MOCOS: variants seen among roughly 807,000 people sequenced by gnomAD.
MOCOS encodes the protein human molybdenum cofactor sulfurase.
Under a neutral mutation model 83.6 loss-of-function variants are expected in MOCOS, and 86 were observed. The observed-to-expected ratio is 1.03, with a 90% CI of 0.86 to 1.23. The LOEUF (loss-of-function observed/expected upper bound fraction) is 1.23. Among genes scored for constraint, MOCOS ranks in the 50% most tolerant of loss-of-function variants. The pLI is 0.00. For missense variants in MOCOS, 1,120 were observed against 1,126.9 expected (o/e 0.99, Z 0.09); for synonymous variants, 445 against 434.7 (o/e 1.02, Z -0.29).
chr18:36,221,627 CTGTTCT>C (rs1179177956), intron 9 of MOCOS, among the ~76,000 whole-genome samples: 1 of 151,194 alleles, frequency 6.6e-6, no homozygotes. Flanking sequence ...CTGTTCTGTT[CTGTTCT>C]GTTCTGTTCT....
chr18:36,214,581 A>C (rs2091468703), intron 7 of MOCOS, among the ~76,000 whole-genome samples: 1 of 152,134 alleles, frequency 6.6e-6, no homozygotes, highest in Non-Finnish European at 1.5e-5. Context: ...CCATTTCATT[A>C]GGAATAATTT....
At chr18:36,221,267 T>C (rs1326110585) in intron 9 of MOCOS, among the ~76,000 whole-genome samples, 3 of 152,274 alleles carry the variant, frequency 2.0e-5, no homozygotes, top group Non-Finnish European at 4.4e-5. Context: ...TACGTGTAGC[T>C]ATGCTACAGT....
intron 5 of MOCOS, among the ~76,000 whole-genome samples, chr18:36,203,887 C>T (rs569581597): frequency 6.6e-6 from 1 of 152,254 alleles, no homozygotes; most frequent in East Asian, 1.9e-4. Flanking sequence ...TTAATAAATA[C>T]AGGCAGTGAG....
chr18:36,199,717 T>C lies in MOCOS; in HGVS notation c.334T>C (p.Tyr112His), dbSNP rs776883889. The stretch of plus-strand genomic sequence containing the variant: ...GCACTTCCACACCACCGCAGAAGAC[T>C]ACACTGTGATCTTCACTGCCGGGAG... ...LAHFHTTAED[Y>H]TVIFTAGSTA... The change falls in exon 4 of 15, where the codon TAC (tyrosine) becomes CAC (histidine). Residue 112 changes from tyrosine to histidine, a missense_variant. Tyr to His is a moderately conservative substitution (Grantham distance 83). Transcript: ENST00000261326. 49 of 1,613,974 alleles carry C rather than the reference T, an allele frequency of 3.0e-5. No individual in the cohort carries two copies. Among genetic ancestry groups the C allele is most frequent in the Non-Finnish European group, 3.8e-5 (45 of 1,180,040 alleles).
At position 36,197,639 on chromosome 18, in the gene MOCOS, G is replaced by A. The variant is rs575173575; in HGVS notation, c.233-1051G>A. ...TTTTAAAAAATCAGCCAGGTGTGGTGGCACATGCCTGTTGTGCTAGCTATT... is the reference window on the plus strand; with the variant it reads ...TTTTAAAAAATCAGCCAGGTGTGGTAGCACATGCCTGTTGTGCTAGCTATT... On this transcript the variant is annotated intron_variant, in intron 2 of 14. Coordinates refer to ENST00000261326, the MANE Select transcript of MOCOS (RefSeq NM_017947.4). Among the ~76,000 whole-genome samples the A allele has an allele frequency of 3.8e-4, 58 of 152,170 alleles. No homozygotes were observed. The South Asian group carries it at 0.012, about 31-fold the overall frequency.
chr18:36,231,705 T>C (rs959824532), intron 9 of MOCOS, among the ~76,000 whole-genome samples: 4 of 152,174 alleles, frequency 2.6e-5, no homozygotes, highest in African/African-American at 9.7e-5. Flanking sequence ...TTCTAAAGGA[T>C]TGAAGGTAGC....
chr18:36,239,585 A>G (rs1173846954), intron 9 of MOCOS, among the ~76,000 whole-genome samples: 1 of 146,582 alleles, frequency 6.8e-6, no homozygotes, highest in Non-Finnish European at 1.5e-5. Context: ...CTTCATTTCA[A>G]CTTTAGTGAA....
Position 36,205,218 on chromosome 18 carries a change from G to A in MOCOS, c.1160G>A (p.Gly387Asp), listed in dbSNP as rs778392845. ...GAGTTCAGCAGCCCTGAGGTTCAGG[G>A]CCCAATCATCAATTTTAATGTGCTG... ...DSEFSSPEVQ[G>D]PIINFNVLDD... Residue 387 changes from glycine to aspartate, a missense_variant, in exon 6 of 15, where the codon GGC (glycine) becomes GAC (aspartate). Gly to Asp is a moderately conservative substitution (Grantham distance 94). Coordinates refer to ENST00000261326, the MANE Select transcript of MOCOS (RefSeq NM_017947.4). 6 of 1,613,832 alleles carry A rather than the reference G, an allele frequency of 3.7e-6. No individual in the cohort carries two copies. In the African/African-American group the frequency reaches 6.7e-5, roughly 18 times the overall value.
rs529342 is a variant in MOCOS, at chr18:36,269,905, G to A, written c.*1220G>A. 6.6e-6 allele frequency: 1 copy of A among 152,104 alleles called. No homozygotes were observed. The highest frequency in any genetic ancestry group is 2.4e-5 in the African/African-American group (1 of 41,412). 9.4% of individuals were successfully genotyped at this position (152,104 alleles called of 1,614,324 possible). A position where few individuals can be genotyped will look rare whatever the true frequency, so the allele number is the denominator to read the frequency against. ...GGCTCCAGGCTCAGGCTTCCCTAATGTATCTGTTCAGAGCCTGTGGGATTC... is the reference window on the plus strand; with the variant it reads ...GGCTCCAGGCTCAGGCTTCCCTAATATATCTGTTCAGAGCCTGTGGGATTC... On this transcript the variant is annotated 3_prime_UTR_variant, in exon 15 of 15. Coordinates refer to ENST00000261326, the MANE Select transcript of MOCOS (RefSeq NM_017947.4).
chr18:36,218,594 A>G (rs1747914396), intron 8 of MOCOS, among the ~76,000 whole-genome samples: 1 of 152,098 alleles, frequency 6.6e-6, no homozygotes, highest in African/African-American at 2.4e-5. Context: ...AGCTCACTGC[A>G]GTTTTGAACT....
chr18:36,247,044 G>C (rs2091605147), intron 9 of MOCOS, among the ~76,000 whole-genome samples: 2 of 152,034 alleles, frequency 1.3e-5, no homozygotes, highest in Non-Finnish European at 2.9e-5. Context: ...CCACTCTGGG[G>C]GTGGGGGGCT....
At chr18:36,243,246 C>A (rs993224710) in intron 9 of MOCOS, among the ~76,000 whole-genome samples, 1 of 152,136 alleles carries the variant, frequency 6.6e-6, no homozygotes, top group African/African-American at 2.4e-5. Context: ...TCCTCTTTAC[C>A]GATTTGGATG....
At chr18:36,204,109 T>A (rs754726395) in intron 5 of MOCOS, among the ~76,000 whole-genome samples, 2 of 152,216 alleles carry the variant, frequency 1.3e-5, no homozygotes, top group Non-Finnish European at 2.9e-5. Flanking sequence ...TTTTAACTAT[T>A]TTTAAGTGTA....
chr18:36,232,306 C>A (rs1226735502), intron 9 of MOCOS, among the ~76,000 whole-genome samples: 1 of 152,104 alleles, frequency 6.6e-6, no homozygotes, highest in East Asian at 1.9e-4. Flanking sequence ...TAATAATGAG[C>A]TTTGATTTAC....
chr18:36,195,521 G>T lies in MOCOS; in HGVS notation c.232+175G>T, dbSNP rs192198428. On this transcript the variant is annotated intron_variant, in intron 2 of 14. Coordinates refer to ENST00000261326, the MANE Select transcript of MOCOS (RefSeq NM_017947.4). ...GGGTCATTCTGTACTGTAAACATGT[G>T]GCCGGGATGGAGGGAGCTGGCTCAG... 1.3e-3 allele frequency among the ~76,000 whole-genome samples: 204 copies of T among 152,330 alleles called. 2 individuals are homozygous for T. Among genetic ancestry groups the T allele is most frequent in the African/African-American group, 4.7e-3 (194 of 41,586 alleles).
rs1322173622 is a variant in MOCOS at position 36,215,692 on chromosome 18, C to T, written c.1512C>T (p.Asp504=). The change falls in exon 8 of 15, where the codon GAC becomes GAT. Residue 504 remains aspartate (D), a synonymous_variant. Transcript: ENST00000261326. ...GDWPVPQAHA[D]TGETGAPSAD... The stretch of plus-strand genomic sequence containing the variant: ...GGCCTGTCCCTCAGGCCCATGCTGA[C>T]ACCGGGGAGACTGGAGCCCCATCAG... The T allele has an allele frequency of 6.2e-6, 10 of 1,614,072 alleles. No individual in the cohort carries two copies. In the African/African-American group the frequency reaches 1.2e-4, roughly 19 times the overall value.
At chr18:36,199,173 G>A (rs552117053) in intron 3 of MOCOS, among the ~76,000 whole-genome samples, 2 of 151,976 alleles carry the variant, frequency 1.3e-5, no homozygotes, top group South Asian at 4.2e-4. Flanking sequence ...TTTTTTACTA[G>A]TATTTGTATG....
intron 9 of MOCOS, among the ~76,000 whole-genome samples, chr18:36,241,174 A>G (rs1263875835): frequency 6.6e-6 from 1 of 152,128 alleles, no homozygotes; most frequent in Non-Finnish European, 1.5e-5. Flanking sequence ...AGTCCCCAGA[A>G]TCTTAACTCA....
chr18:36,265,693 C>A (rs1057511294), intron 13 of MOCOS, among the ~76,000 whole-genome samples: 1 of 151,400 alleles, frequency 6.6e-6, no homozygotes, highest in Non-Finnish European at 1.5e-5. Flanking sequence ...TGTAACAATG[C>A]GTTTTAAGTA....
Sources: gnomAD v4.1 joint callset for allele counts (sites outside exome capture counted in the v4.1 genomes callset) on GRCh38, gnomAD v4.1.1 for gene constraint, MANE v1.5 for transcripts, NCBI Gene and HGNC (gene_info 2026-07-23, HGNC 2026-07-21) for gene names.